COPS5: variants seen among roughly 807,000 people sequenced by gnomAD.
COPS5 encodes the protein COP9 signalosome subunit 5, also known as COP9 signalosome complex subunit 5.
Under a neutral mutation model 44.4 loss-of-function variants are expected in COPS5, and 8 were observed. That is an observed-to-expected ratio of 0.18 (90% CI 0.11 to 0.32). The LOEUF (loss-of-function observed/expected upper bound fraction) is 0.32, where lower values mean the gene tolerates loss of function less well. Ranked by LOEUF, COPS5 falls within the 10% of genes least tolerant of loss-of-function variation. The probability of loss-of-function intolerance (pLI) is 1.00; values close to 1 mark genes in which losing one functional copy is unlikely to be tolerated. For synonymous variants in COPS5, 122 were observed against 142.8 expected (o/e 0.85, Z 1.04); for missense variants, 159 against 406.4 (o/e 0.39, Z 5.23).
At chr8:67,058,252 A>C (rs1804539442) in intron 2 of COPS5, 41 bp from the exon 3 acceptor site, 1 of 1,602,368 alleles carries the variant, frequency 6.2e-7, no homozygotes, top group Non-Finnish European at 8.5e-7. Flanking sequence ...ATTACTCTTT[A>C]ATTAATTTAC....
intron 5 of COPS5, among the ~76,000 whole-genome samples, chr8:67,053,025 G>A (rs1378961009): frequency 6.6e-6 from 1 of 151,924 alleles, no homozygotes; most frequent in Non-Finnish European, 1.5e-5. Flanking sequence ...AAGATGAGAA[G>A]AGACAGAGGT....
intron 5 of COPS5, among the ~76,000 whole-genome samples, chr8:67,055,768 A>G (rs1244261237): frequency 6.7e-6 from 1 of 149,614 alleles, no homozygotes; most frequent in Non-Finnish European, 1.5e-5. Flanking sequence ...TGGGAGGCTG[A>G]GGCAGGAGAA....
intron 6 of COPS5, among the ~76,000 whole-genome samples, chr8:67,050,443 C>CG (rs1355703458): frequency 4.6e-5 from 7 of 152,166 alleles, no homozygotes; most frequent in Non-Finnish European, 8.8e-5. Context: ...CTTGCCGTGG[C>CG]GCAAGCCGCT....
intron 7 of COPS5, chr8:67,043,942 ATAAT>A (rs1392727496): frequency 3.3e-5 from 5 of 152,224 alleles, no homozygotes; most frequent in East Asian, 1.9e-4. Flanking sequence ...TTTTTGCTTC[ATAAT>A]TAATAAATGT....
At chr8:67,048,028 C>T (rs1256324971) in intron 6 of COPS5, among the ~76,000 whole-genome samples, 2 of 152,182 alleles carry the variant, frequency 1.3e-5, no homozygotes, top group Non-Finnish European at 2.9e-5. Flanking sequence ...GTAATCCCAG[C>T]ACTTTGGGAG....
At position 67,043,140 on chromosome 8, in the gene COPS5, ACTTCTAATCAGATT is replaced by A. The variant is rs534494486; in HGVS notation, c.*79_*92del. Reference sequence around the variant, plus strand: ...TTTAGGACACTTCAGAGCACCTTATACTTCTAATCAGATTTTGGGTAACTGGTTTTAAAGTGTTA... The same window carrying A: ...TTTAGGACACTTCAGAGCACCTTATATTGGGTAACTGGTTTTAAAGTGTTA... On this transcript the variant is annotated 3_prime_UTR_variant, in exon 8 of 8. Coordinates refer to ENST00000357849, the MANE Select transcript of COPS5 (RefSeq NM_006837.3). The A allele has an allele frequency of 3.5e-3, 2,504 of 707,384 alleles. 48 individuals are homozygous for A. The African/African-American group carries it at 0.039, about 11-fold the overall frequency. 43.8% of individuals were successfully genotyped at this position (707,384 alleles called of 1,614,324 possible). A position where few individuals can be genotyped will look rare whatever the true frequency, so the allele number is the denominator to read the frequency against.
At position 67,059,324 on chromosome 8, in the gene COPS5, T is replaced by C; in HGVS notation, c.265A>G (p.Thr89Ala). 1 of 1,614,218 alleles carries C rather than the reference T, an allele frequency of 6.2e-7. No homozygotes were observed. The highest frequency in any genetic ancestry group is 8.5e-7 in the Non-Finnish European group (1 of 1,180,024). The change falls in exon 2 of 8, where the codon ACC becomes GCC. Residue 89 changes from threonine (T) to alanine (A), a missense_variant. Around this residue, in one of 2 missense-constraint regions of COPS5, gnomAD observed 134 missense variants for 376.7 expected, o/e 0.36. Coordinates refer to ENST00000357849, the MANE Select transcript of COPS5 (RefSeq NM_006837.3). Reference sequence around the variant, plus strand: ...GCAAAACTGTCCATAATGATCATGGTTTCACCATCCACCTTTCCTAGCATC... The same window carrying C: ...GCAAAACTGTCCATAATGATCATGGCTTCACCATCCACCTTTCCTAGCATC... The part of the protein sequence containing the change: ...GLMLGKVDGE[T>A]MIIMDSFALP...
intron 5 of COPS5, among the ~76,000 whole-genome samples, chr8:67,054,187 A>G (rs977132782): frequency 2.8e-4 from 43 of 152,176 alleles, no homozygotes; most frequent in African/African-American, 1.0e-3. Flanking sequence ...ATCTTAAAAA[A>G]AAAAGTTATT....
At chr8:67,043,412 G>C in intron 7 of COPS5, 95 bp from the exon 8 acceptor site, 1 of 697,374 alleles carries the variant, frequency 1.4e-6, no homozygotes, top group Non-Finnish European at 2.4e-6. Context: ...ACTCCAATGA[G>C]TTTAGTTTTA....
intron 4 of COPS5, 48 bp downstream of exon 4, chr8:67,057,332 C>T (rs1410098386): frequency 1.6e-6 from 2 of 1,278,870 alleles, no homozygotes; most frequent in East Asian, 4.7e-5. Flanking sequence ...TGTACTCCAG[C>T]CTAGGTAACA....
At chr8:67,051,401 A>T (rs774863577) in intron 5 of COPS5, 60 bp from the exon 6 acceptor site, 31 of 876,878 alleles carry the variant, frequency 3.5e-5, no homozygotes, top group Non-Finnish European at 5.2e-5. Flanking sequence ...ACGTCACATA[A>T]AACTTATGGC....
chr8:67,061,374 G>T (rs940386363), intron 1 of COPS5: 38 of 452,402 alleles, frequency 8.4e-5, no homozygotes, highest in Non-Finnish European at 1.2e-4. Flanking sequence ...AGGATCGCTT[G>T]AAGGCAGAAG....
intron 5 of COPS5, among the ~76,000 whole-genome samples, chr8:67,055,980 A>C (rs1766166232): frequency 6.6e-6 from 1 of 152,150 alleles, no homozygotes; most frequent in African/African-American, 2.4e-5. Context: ...AAAGATTAGA[A>C]AGAATCTTTG....
chr8:67,043,165 G>T lies in COPS5; in HGVS notation c.*68C>A. The T allele has an allele frequency of 1.1e-6, 1 of 895,538 alleles. No homozygotes were observed. Among genetic ancestry groups the T allele is most frequent in the Non-Finnish European group, 1.8e-6 (1 of 556,172 alleles). The allele number at this position is 895,538 out of a possible 1,614,324, so 55.5% of individuals were successfully genotyped here. A position where few individuals can be genotyped will look rare whatever the true frequency, so the allele number is the denominator to read the frequency against. On this transcript the variant is annotated 3_prime_UTR_variant, in exon 8 of 8. Transcript: ENST00000357849. The stretch of plus-strand genomic sequence containing the variant: ...ACTTCTAATCAGATTTTGGGTAACT[G>T]GTTTTAAAGTGTTACTTGAATATTT...
intron 5 of COPS5, among the ~76,000 whole-genome samples, chr8:67,051,959 G>GT (rs1804420718): frequency 6.6e-6 from 1 of 152,082 alleles, no homozygotes; most frequent in East Asian, 1.9e-4. Flanking sequence ...ATGCTTCTGT[G>GT]TATCAGTGGA....
In COPS5 at chr8:67,051,255, G is replaced by T; in HGVS notation, c.746C>A (p.Thr249Lys). The T allele has an allele frequency of 6.2e-7, 1 of 1,608,250 alleles. No homozygotes were observed. The highest frequency in any genetic ancestry group is 8.5e-7 in the Non-Finnish European group (1 of 1,175,522). The change falls in exon 6 of 8, where the codon ACG (threonine) becomes AAG (lysine). Residue 249 changes from threonine (T) to lysine (K), a missense_variant. Transcript: ENST00000357849. ...AGTAAGCAAGCTAGAAGAACTCAACGTATTCACCCAGTATTTATTCCACAA... is the reference window on the plus strand; with the variant it reads ...AGTAAGCAAGCTAGAAGAACTCAACTTATTCACCCAGTATTTATTCCACAA... ...ELLWNKYWVN[T>K]LSSSSLLTNA... is the part of the protein sequence containing the mutation.
intron 5 of COPS5, among the ~76,000 whole-genome samples, chr8:67,055,491 G>C (rs1489750318): frequency 6.6e-6 from 1 of 152,076 alleles, no homozygotes; most frequent in Non-Finnish European, 1.5e-5. Context: ...ATATTTAGAA[G>C]GTAGAGAAAA....
chr8:67,054,623 A>C (rs1265551293), intron 5 of COPS5, among the ~76,000 whole-genome samples: 2 of 152,308 alleles, frequency 1.3e-5, no homozygotes, highest in East Asian at 3.9e-4. Flanking sequence ...ATTATTGAAA[A>C]CCACATATAT....
At chr8:67,061,012 A>G (rs377098438) in intron 1 of COPS5, 8 of 161,766 alleles carry the variant, frequency 4.9e-5, no homozygotes, top group African/African-American at 1.9e-4. Context: ...TTTCCTTTCT[A>G]TCTAACCATT....
Sources: allele counts gnomAD v4.1 joint callset (sites outside exome capture counted in the v4.1 genomes callset), GRCh38; gene constraint gnomAD v4.1.1; regional missense constraint gnomAD v4.1.1; transcripts MANE v1.5; gene names NCBI Gene and HGNC (gene_info 2026-07-23, HGNC 2026-07-21).